The following NRG1 variants were observed in gnomAD, a reference collection of about 807,000 sequenced individuals.
The protein encoded by NRG1 is neuregulin 1, also known as pro-neuregulin-1, membrane-bound isoform.
A neutral mutation model predicts 63.8 loss-of-function variants in NRG1; 18 were observed. The ratio of observed to expected loss-of-function variants is 0.28; its 90% CI spans 0.19 to 0.42. The LOEUF is 0.42. NRG1 is among the 10% of genes least tolerant of loss of function. The pLI is 1.00. For synonymous variants in NRG1, 302 were observed against 301.3 expected (o/e 1.00, Z -0.02); for missense variants, 762 against 814.7 (o/e 0.94, Z 0.79).
At chr8:31,838,480 T>C (rs1421292130) in intron 1 of NRG1, among the ~76,000 whole-genome samples, 2 of 152,184 alleles carry the variant, frequency 1.3e-5, no homozygotes, top group East Asian at 1.9e-4. Context: ...TCAAAAACAA[T>C]TTCTGTTGGT....
At chr8:32,008,293 T>C (rs920949185) in intron 1 of NRG1, among the ~76,000 whole-genome samples, 1 of 151,894 alleles carries the variant, frequency 6.6e-6, no homozygotes, top group Non-Finnish European at 1.5e-5. Context: ...CCACTGAATC[T>C]GAGATCCACT....
At chr8:32,003,859 T>C (rs1205958744) in intron 1 of NRG1, among the ~76,000 whole-genome samples, 2 of 151,888 alleles carry the variant, frequency 1.3e-5, no homozygotes, top group African/African-American at 2.4e-5. Flanking sequence ...TCACCAGTTA[T>C]GGTGGATACA....
At chr8:32,585,863 A>G (rs944031322) in intron 1 of NRG1, among the ~76,000 whole-genome samples, 2 of 152,182 alleles carry the variant, frequency 1.3e-5, no homozygotes, top group Non-Finnish European at 1.5e-5. Context: ...TCATTAAATA[A>G]AATCTTTAGC....
intron 3 of NRG1, among the ~76,000 whole-genome samples, chr8:32,610,007 A>G (rs1335282749): frequency 1.3e-5 from 2 of 152,048 alleles, no homozygotes; most frequent in Non-Finnish European, 2.9e-5. Flanking sequence ...CTAGAAAAAA[A>G]AAAAGTTGTT....
Position 31,864,592 on chromosome 8 carries a change from G to T in NRG1, c.37+225161G>T, listed in dbSNP as rs73578512. On this transcript the variant is annotated intron_variant, in intron 1 of 10. Transcript: ENST00000519301. ...AAACTGAAAGGCGGAAAGTGCAGGAGCAGAAGAATGAGGGACTCAAGAAGA... is the reference window on the plus strand; with the variant it reads ...AAACTGAAAGGCGGAAAGTGCAGGATCAGAAGAATGAGGGACTCAAGAAGA... Among the ~76,000 whole-genome samples the T allele has an allele frequency of 2.0e-5, 3 of 151,984 alleles. No homozygotes were observed. The East Asian group carries it at 5.8e-4, about 29-fold the overall frequency.
At chr8:32,772,023 C>G (rs144842341), downstream of NRG1, among the ~76,000 whole-genome samples, 6,677 of 24,536 alleles carry the variant, frequency 0.27, 298 homozygotes, top group Non-Finnish European at 0.47. Context: ...AACTCCGTCT[C>G]AAAAAAAAAA....
chr8:32,307,392 AAAC>A (rs142915907), intron 1 of NRG1, among the ~76,000 whole-genome samples: 3,994 of 152,288 alleles, frequency 0.026, 156 homozygotes, highest in African/African-American at 0.089. Flanking sequence ...AGCAAAGAGA[AAAC>A]AAGCAGCCAC....
intron 1 of NRG1, among the ~76,000 whole-genome samples, chr8:32,511,523 T>C (rs909563787): frequency 2.6e-5 from 4 of 151,806 alleles, no homozygotes; most frequent in Non-Finnish European, 5.9e-5. Context: ...CAGACACTTC[T>C]GATCAGTGTT....
chr8:32,481,097 A>C (rs1205274906), intron 1 of NRG1, among the ~76,000 whole-genome samples: 3 of 152,178 alleles, frequency 2.0e-5, no homozygotes, highest in African/African-American at 7.2e-5. Flanking sequence ...TAATCCAAGC[A>C]CTTTGGGAGG....
intron 1 of NRG1, among the ~76,000 whole-genome samples, chr8:31,676,602 G>A (rs375997377): frequency 6.6e-6 from 1 of 152,174 alleles, no homozygotes; most frequent in Non-Finnish European, 1.5e-5. Flanking sequence ...AGGCCTGGGA[G>A]GTTGAACCCT....
At chr8:32,385,772 C>T (rs1195713685) in intron 1 of NRG1, among the ~76,000 whole-genome samples, 1 of 152,102 alleles carries the variant, frequency 6.6e-6, no homozygotes, top group Non-Finnish European at 1.5e-5. Flanking sequence ...CATGGGATTT[C>T]GGTGGGGACA....
intron 1 of NRG1, among the ~76,000 whole-genome samples, chr8:31,672,148 A>G (rs1188140875): frequency 6.6e-6 from 1 of 152,094 alleles, no homozygotes; most frequent in Non-Finnish European, 1.5e-5. Context: ...GTATCAGCAC[A>G]GTGTAATTCA....
intron 1 of NRG1, among the ~76,000 whole-genome samples, chr8:31,948,999 T>C (rs1395841746): frequency 6.6e-6 from 1 of 152,204 alleles, no homozygotes; most frequent in Non-Finnish European, 1.5e-5. Context: ...ACGAAATGTA[T>C]TTGTTAAATG....
At chr8:31,848,220 A>G (rs1826871434) in intron 1 of NRG1, among the ~76,000 whole-genome samples, 1 of 152,216 alleles carries the variant, frequency 6.6e-6, no homozygotes, top group Admixed American at 6.5e-5. Context: ...ATAATATTTC[A>G]GGGTTCTAAA....
intron 1 of NRG1, among the ~76,000 whole-genome samples, chr8:31,740,449 A>C (rs1815145644): frequency 6.6e-6 from 1 of 152,072 alleles, no homozygotes; most frequent in Non-Finnish European, 1.5e-5. Context: ...TCCTCAGGGC[A>C]GAGCTAAAAA....
chr8:32,271,916 G>T lies in NRG1; in HGVS notation c.38-323912G>T, dbSNP rs1268825864. On this transcript the variant is annotated intron_variant, in intron 1 of 10. Coordinates refer to the NRG1 transcript ENST00000519301. The stretch of plus-strand genomic sequence containing the variant: ...GGCCTGCTTCTAGAAAACCAATGGG[G>T]CTCAGAGGCAGTCCAGACAGAGGCC... Among the ~76,000 whole-genome samples the T allele has an allele frequency of 2.6e-5, 4 of 152,116 alleles. No homozygotes were observed. In the East Asian group the frequency reaches 7.7e-4, roughly 29 times the overall value.
chr8:32,521,410 G>T (rs1830331475), intron 1 of NRG1, among the ~76,000 whole-genome samples: 1 of 152,154 alleles, frequency 6.6e-6, no homozygotes, highest in African/African-American at 2.4e-5. Context: ...GGGTGGAAAT[G>T]CTTATTGGAG....
rs564468691 is a variant in NRG1, at chr8:32,113,517, A to G, written c.37+474086A>G. The stretch of plus-strand genomic sequence containing the variant: ...ACAGGTGCTAGCTGCTTCCTGATAT[A>G]ACTAATATCTTGACTACCTCCCTGT... On this transcript the variant is annotated intron_variant, in intron 1 of 10. Transcript: ENST00000519301. Among the ~76,000 whole-genome samples, 122 of 152,238 alleles carry G rather than the reference A, an allele frequency of 8.0e-4. 1 individual carries two copies. The highest frequency in any genetic ancestry group is 5.6e-3 in the Admixed American group (86 of 15,290).
At chr8:31,799,142 A>T (rs1821512431) in intron 1 of NRG1, among the ~76,000 whole-genome samples, 1 of 152,128 alleles carries the variant, frequency 6.6e-6, no homozygotes, top group South Asian at 2.1e-4. Context: ...AAATATAAAG[A>T]TCTCACTGAT....
Sources: gnomAD v4.1 joint callset for allele counts (sites outside exome capture counted in the v4.1 genomes callset) on GRCh38, gnomAD v4.1.1 for gene constraint, MANE v1.5 for transcripts, NCBI Gene and HGNC (gene_info 2026-07-23, HGNC 2026-07-21) for gene names.